KATNAL2: variants seen among roughly 807,000 people sequenced by gnomAD.
KATNAL2 encodes katanin p60 ATPase-containing subunit A-like 2.
Under a neutral mutation model 76.3 loss-of-function variants are expected in KATNAL2, and 52 were observed. The observed-to-expected ratio is 0.68, with a 90% confidence interval of 0.55 to 0.86. The LOEUF is 0.86. Ranked by LOEUF, KATNAL2 falls within the 40% of genes least tolerant of loss-of-function variation. KATNAL2 has a pLI of 0.00. For missense variants in KATNAL2, 660 were observed against 668.9 expected (o/e 0.99, Z 0.15); for synonymous variants, 243 against 244.2 (o/e 1.00, Z 0.05).
At chr18:46,961,148 T>G (rs1398397038) in intron 3 of KATNAL2, among the ~76,000 whole-genome samples, 1 of 152,212 alleles carries the variant, frequency 6.6e-6, no homozygotes, top group African/African-American at 2.4e-5. Flanking sequence ...AGGGGTAGAT[T>G]TTTTAATTTT....
At chr18:47,045,025 G>T (rs1329867946) in intron 3 of KATNAL2, among the ~76,000 whole-genome samples, 1 of 151,824 alleles carries the variant, frequency 6.6e-6, no homozygotes, top group Non-Finnish European at 1.5e-5. Context: ...CTGAGCCTAG[G>T]GAGGGCAGGG....
chr18:46,933,747 G>A (rs987446297), intron 1 of KATNAL2, among the ~76,000 whole-genome samples: 2 of 117,880 alleles, frequency 1.7e-5, no homozygotes, highest in East Asian at 2.6e-4. Context: ...CCATTAACTC[G>A]TCATTTAGCA....
At chr18:47,076,348 T>C (rs1181729328) in intron 14 of KATNAL2, 2 of 152,240 alleles carry the variant, frequency 1.3e-5, no homozygotes, top group Non-Finnish European at 2.9e-5. Flanking sequence ...GAGCTGGTGC[T>C]TGTCAGCCCT....
intron 17 of KATNAL2, 76 bp from the exon 18 acceptor site, chr18:47,100,790 G>C: frequency 6.6e-7 from 1 of 1,519,126 alleles, no homozygotes; most frequent in African/African-American, 1.4e-5. Flanking sequence ...TTTGAAAGAA[G>C]GTCTATTAGC....
chr18:46,954,049 C>T (rs1171414460), intron 3 of KATNAL2, among the ~76,000 whole-genome samples: 1 of 151,976 alleles, frequency 6.6e-6, no homozygotes, highest in Non-Finnish European at 1.5e-5. Context: ...TGGGGTTTCA[C>T]CTCTCTCTTC....
intron 13 of KATNAL2, among the ~76,000 whole-genome samples, chr18:47,073,576 T>G (rs1289458190): frequency 3.3e-5 from 5 of 152,178 alleles, no homozygotes. Context: ...CAGAGAAGCT[T>G]TTTCTACCAT....
chr18:47,033,440 G>A (rs1447685618), intron 3 of KATNAL2: 1 of 1,614,202 alleles, frequency 6.2e-7, no homozygotes, highest in East Asian at 2.2e-5. Context: ...GGAAGCCGCA[G>A]GTACTGCTCC....
At chr18:47,047,657 G>T (rs542872541) in intron 4 of KATNAL2, among the ~76,000 whole-genome samples, 1 of 152,120 alleles carries the variant, frequency 6.6e-6, no homozygotes, top group South Asian at 2.1e-4. Flanking sequence ...CTTTATATTC[G>T]CTTTTCTTTT....
At chr18:46,958,482 C>T (rs979223845) in intron 3 of KATNAL2, among the ~76,000 whole-genome samples, 11 of 152,018 alleles carry the variant, frequency 7.2e-5, no homozygotes, top group Admixed American at 3.3e-4. Context: ...CATGCGTGTG[C>T]GTGTGTATGC....
rs1400774122 is a variant in KATNAL2 at position 47,033,663 on chromosome 18, G to C, written c.52-12794G>C. ...CGTCCGGATTGTTTCTAAGCACCTG[G>C]GCACACTGCTGGCGCAGCGTCGGCA... is the stretch of plus-strand genomic sequence containing the variant. On this transcript the variant is annotated intron_variant, in intron 3 of 17. Coordinates refer to ENST00000683218, the MANE Select transcript of KATNAL2 (RefSeq NM_001387690.1). 1.9e-6 allele frequency: 3 copies of C among 1,614,064 alleles called. No individual in the cohort carries two copies. In the African/African-American group the frequency reaches 4.0e-5, roughly 22 times the overall value.
intron 1 of KATNAL2, among the ~76,000 whole-genome samples, chr18:46,936,507 A>G (rs551255569): frequency 1.3e-5 from 2 of 152,280 alleles, no homozygotes; most frequent in East Asian, 3.9e-4. Flanking sequence ...CAAGAGGCTC[A>G]GGTGGGGGGA....
intron 13 of KATNAL2, among the ~76,000 whole-genome samples, chr18:47,069,913 G>GT (rs1451149281): frequency 2.6e-5 from 4 of 152,016 alleles, no homozygotes; most frequent in Non-Finnish European, 5.9e-5. Context: ...CATTCAAGAA[G>GT]TATTTATTAT....
chr18:46,920,085 C>T (rs2058452672), intron 1 of KATNAL2: 1 of 1,289,732 alleles, frequency 7.8e-7, no homozygotes, highest in Admixed American at 2.3e-5. Context: ...AGTTGCTTCC[C>T]AGCATTCATT....
At chr18:47,099,541 G>A (rs1368968218) in intron 16 of KATNAL2, 136 bp downstream of exon 16, 5 of 745,182 alleles carry the variant, frequency 6.7e-6, no homozygotes, top group African/African-American at 1.8e-5. Context: ...TAATGCAATG[G>A]GCATCTTCAC....
chr18:47,081,993 C>A lies in KATNAL2; in HGVS notation c.1211+4532C>A, dbSNP rs112808157. 4.9e-3 allele frequency among the ~76,000 whole-genome samples: 751 copies of A among 152,248 alleles called. 8 individuals carry two copies. Among genetic ancestry groups the A allele is most frequent in the African/African-American group, 0.017 (698 of 41,534 alleles). On this transcript the variant is annotated intron_variant, in intron 15 of 17. Coordinates refer to ENST00000683218, the MANE Select transcript of KATNAL2 (RefSeq NM_001387690.1). ...AATATATTTGATTTTATATTGGTAT[C>A]TTTTCTCTAATAGTGAAAATCTCAG...
intron 3 of KATNAL2, chr18:47,034,014 G>C: frequency 6.2e-7 from 1 of 1,614,128 alleles, no homozygotes; most frequent in Non-Finnish European, 8.5e-7. Context: ...GAGTGCCCTT[G>C]GATTCGTTTG....
chr18:47,069,276 C>T lies in KATNAL2; in HGVS notation c.882C>T (p.Gly294=), dbSNP rs56297904. The T allele has an allele frequency of 0.016, 26,142 of 1,607,908 alleles. 270 individuals are homozygous for T. Among genetic ancestry groups the T allele is most frequent in the Non-Finnish European group, 0.019 (22,928 of 1,176,440 alleles). ...CCTGGAAAGGACTACTGCTGTACGGCCCTCCAGGTAAACACAGCTTCCTAT... is the reference window on the plus strand; with the variant it reads ...CCTGGAAAGGACTACTGCTGTACGGTCCTCCAGGTAAACACAGCTTCCTAT... ...LSPWKGLLLY[G]PPGTGKTLLA... is the part of the protein sequence containing the mutation. Residue 294 remains glycine, a synonymous_variant, in exon 12 of 18, where the codon GGC becomes GGT. Transcript: ENST00000683218.
chr18:47,033,636 G>T, intron 3 of KATNAL2: 1 of 1,614,186 alleles, frequency 6.2e-7, no homozygotes, highest in Non-Finnish European at 8.5e-7. Flanking sequence ...CGTCGCTGAG[G>T]GCGTCCGGAT....
At position 46,947,650 on chromosome 18, in the gene KATNAL2, A is replaced by C. The variant is rs114400351; in HGVS notation, c.51+727A>C. Among the ~76,000 whole-genome samples, 965 of 152,330 alleles carry C rather than the reference A, an allele frequency of 6.3e-3. 8 individuals are homozygous for C. Among genetic ancestry groups the C allele is most frequent in the African/African-American group, 0.022 (906 of 41,582 alleles). On this transcript the variant is annotated intron_variant, in intron 3 of 17. Transcript: ENST00000683218. ...ACCTGGATCTCATTCCTAGAGGTTCAGAATTACTGGCTTGGGATGAGTTCT... is the reference window on the plus strand; with the variant it reads ...ACCTGGATCTCATTCCTAGAGGTTCCGAATTACTGGCTTGGGATGAGTTCT...
Sources: gnomAD v4.1 joint callset for allele counts (sites outside exome capture counted in the v4.1 genomes callset) on GRCh38, gnomAD v4.1.1 for gene constraint, MANE v1.5 for transcripts, NCBI Gene and HGNC (gene_info 2026-07-23, HGNC 2026-07-21) for gene names.